POU6F2: variants seen among roughly 807,000 people sequenced by gnomAD.
POU6F2 encodes POU domain, class 6, transcription factor 2.
A neutral mutation model predicts 71.3 loss-of-function variants in POU6F2; 31 were observed. That is an observed-to-expected ratio of 0.43 (90% CI 0.33 to 0.59). POU6F2 has a LOEUF of 0.59. POU6F2 is among the 20% of genes least tolerant of loss of function. The probability of loss-of-function intolerance (pLI) is 0.04; values close to 1 mark genes in which losing one functional copy is unlikely to be tolerated. For missense variants in POU6F2, 783 were observed against 856.8 expected (o/e 0.91, Z 1.07); for synonymous variants, 347 against 355.7 (o/e 0.98, Z 0.27).
intron 5 of POU6F2, among the ~76,000 whole-genome samples, chr7:39,399,362 C>A (rs1249246812): frequency 6.6e-6 from 1 of 152,190 alleles, no homozygotes; most frequent in Non-Finnish European, 1.5e-5. Flanking sequence ...AAGACTGACC[C>A]CCACTTCAGC....
intron 5 of POU6F2, among the ~76,000 whole-genome samples, chr7:39,381,099 T>A (rs1249945496): frequency 6.6e-6 from 1 of 152,094 alleles, no homozygotes; most frequent in African/African-American, 2.4e-5. Flanking sequence ...ACTCACTCTG[T>A]CCCCCAGGCT....
Position 39,012,344 on chromosome 7 carries a change from G to A in POU6F2, c.105+34286G>A, listed in dbSNP as rs1258374933. 1.0e-4 allele frequency among the ~76,000 whole-genome samples: 15 copies of A among 150,480 alleles called. No homozygotes were observed. The South Asian group carries it at 1.5e-3, about 15-fold the overall frequency. On this transcript the variant is annotated intron_variant, in intron 1 of 9. Transcript: ENST00000518318. ...CTCCTGAGTCTTCTGCATTCTTCAC[G>A]TAGTTCTCGAGCCTTGGTTTTCAGC...
At chr7:39,335,869 A>G (rs1204970281) in intron 4 of POU6F2, among the ~76,000 whole-genome samples, 1 of 152,064 alleles carries the variant, frequency 6.6e-6, no homozygotes, top group Non-Finnish European at 1.5e-5. Context: ...ACAGTTCCCA[A>G]CGCCCTGCCC....
Position 39,339,818 on chromosome 7 carries a change from C to T in POU6F2, c.775C>T (p.Pro259Ser), listed in dbSNP as rs560348639. The T allele has an allele frequency of 2.5e-5, 40 of 1,579,564 alleles. No individual in the cohort carries two copies. Among genetic ancestry groups the T allele is most frequent in the Non-Finnish European group, 3.4e-5 (39 of 1,163,348 alleles). Residue 259 changes from proline (P) to serine (S), a missense_variant, in exon 5 of 10, where the codon CCC (proline) becomes TCC (serine). By Grantham distance (74) the Pro-to-Ser change is moderately conservative. Around this residue, in one of 2 missense-constraint regions of POU6F2, gnomAD observed 572 missense variants for 572.9 expected, o/e 1.00. Transcript: ENST00000518318. ...LQPTPPQQPPPASQQPPAPTS... is the reference protein window; with the variant it reads ...LQPTPPQQPPSASQQPPAPTS... ...GCCCACCCCACCCCAGCAGCCACCA[C>T]CCGCCTCTCAGCAGCCGCCAGCTCC... is the stretch of plus-strand genomic sequence containing the variant.
intron 1 of POU6F2, among the ~76,000 whole-genome samples, chr7:39,060,320 G>T (rs1316806351): frequency 6.6e-6 from 1 of 152,152 alleles, no homozygotes; most frequent in Non-Finnish European, 1.5e-5. Context: ...AGTTTCTTAG[G>T]GCTGGGGTAT....
chr7:39,420,981 C>T (rs1009114180), intron 6 of POU6F2, among the ~76,000 whole-genome samples: 2 of 152,110 alleles, frequency 1.3e-5, no homozygotes, highest in African/African-American at 4.8e-5. Flanking sequence ...AAGTGCCTTG[C>T]AAATACTCTT....
intron 1 of POU6F2, among the ~76,000 whole-genome samples, chr7:39,008,984 T>A (rs1200836406): frequency 6.6e-6 from 1 of 152,070 alleles, no homozygotes; most frequent in Admixed American, 6.6e-5. Context: ...TCTTTTGGCA[T>A]AGGATTGACT....
chr7:39,368,883 A>G (rs538290599), intron 5 of POU6F2, among the ~76,000 whole-genome samples: 2 of 152,196 alleles, frequency 1.3e-5, no homozygotes, highest in African/African-American at 4.8e-5. Context: ...AAAGAAGTTG[A>G]TTCCAACCTT....
chr7:39,438,447 T>C (rs1355422126), intron 7 of POU6F2, among the ~76,000 whole-genome samples: 1 of 152,230 alleles, frequency 6.6e-6, no homozygotes, highest in African/African-American at 2.4e-5. Context: ...TTATAATCAT[T>C]TGGGTATATA....
chr7:39,206,539 A>G (rs2128745747), intron 3 of POU6F2, among the ~76,000 whole-genome samples: 1 of 152,372 alleles, frequency 6.6e-6, no homozygotes, highest in Middle Eastern at 3.4e-3. Context: ...GTCATTGTAC[A>G]TACATAATTC....
intron 1 of POU6F2, among the ~76,000 whole-genome samples, chr7:39,057,065 G>T (rs1460000248): frequency 2.0e-5 from 3 of 152,094 alleles, no homozygotes; most frequent in Non-Finnish European, 2.9e-5. Context: ...TTGGAGAAGG[G>T]TGCGTTGGTA....
intron 5 of POU6F2, among the ~76,000 whole-genome samples, chr7:39,375,109 G>A (rs1786685820): frequency 6.6e-6 from 1 of 152,078 alleles, no homozygotes; most frequent in African/African-American, 2.4e-5. Flanking sequence ...GGGAGGTTTT[G>A]GGAGGGGGCT....
chr7:39,277,463 AC>A (rs532955599), intron 4 of POU6F2, among the ~76,000 whole-genome samples: 8 of 152,096 alleles, frequency 5.3e-5, no homozygotes, highest in Admixed American at 5.2e-4. Context: ...GTCCACGTGT[AC>A]CCAGGAGTTA....
chr7:39,332,236 A>G (rs1019059732), intron 4 of POU6F2, among the ~76,000 whole-genome samples: 6 of 151,918 alleles, frequency 3.9e-5, no homozygotes, highest in South Asian at 2.1e-4. Context: ...TTTTTTCATT[A>G]CTATGGAATC....
At chr7:39,260,259 A>C (rs1784107433) in intron 4 of POU6F2, among the ~76,000 whole-genome samples, 2 of 139,954 alleles carry the variant, frequency 1.4e-5, no homozygotes, top group African/African-American at 5.5e-5. Flanking sequence ...CGACACACAC[A>C]CTCCATACCA....
chr7:39,306,820 C>T (rs1024734165), intron 4 of POU6F2, among the ~76,000 whole-genome samples: 1 of 152,240 alleles, frequency 6.6e-6, no homozygotes, highest in African/African-American at 2.4e-5. Flanking sequence ...GGATAGGAGA[C>T]CTCTGGCCAA....
At chr7:39,101,495 T>G (rs2128723739) in intron 2 of POU6F2, among the ~76,000 whole-genome samples, 1 of 151,950 alleles carries the variant, frequency 6.6e-6, no homozygotes, top group Non-Finnish European at 1.5e-5. Context: ...TCCATGGTGG[T>G]TCAAACATCT....
chr7:39,311,757 T>G (rs73118076), intron 4 of POU6F2, among the ~76,000 whole-genome samples: 1 of 151,886 alleles, frequency 6.6e-6, no homozygotes, highest in African/African-American at 2.4e-5. Context: ...AAATGACAAG[T>G]TGTAAAATAA....
At chr7:39,155,326 T>C (rs755003203) in intron 2 of POU6F2, among the ~76,000 whole-genome samples, 4 of 151,748 alleles carry the variant, frequency 2.6e-5, no homozygotes, top group Non-Finnish European at 4.4e-5. Context: ...CAACCTTATA[T>C]GAGAGGAAGA....
Sources: gnomAD v4.1 joint callset for allele counts (sites outside exome capture counted in the v4.1 genomes callset) on GRCh38, gnomAD v4.1.1 for gene constraint, gnomAD v4.1.1 regional missense constraint, MANE v1.5 for transcripts, NCBI Gene and HGNC (gene_info 2026-07-23, HGNC 2026-07-21) for gene names.